POC1B: variants seen among roughly 807,000 people sequenced by gnomAD.
POC1B encodes the protein POC1 centriolar protein homolog B.
A neutral mutation model predicts 60.6 loss-of-function variants in POC1B; 44 were observed. The observed-to-expected ratio is 0.73, with a 90% CI of 0.57 to 0.93. The LOEUF (loss-of-function observed/expected upper bound fraction) is 0.93, where lower values mean the gene tolerates loss of function less well. Among genes scored for constraint, POC1B ranks in the 40% least tolerant of loss-of-function variants. The probability of loss-of-function intolerance (pLI) is 0.00; values close to 1 mark genes in which losing one functional copy is unlikely to be tolerated. For missense variants in POC1B, 555 were observed against 572.3 expected, an observed-to-expected ratio of 0.97 and a Z score of 0.31; for synonymous variants, 180 against 198.9, an observed-to-expected ratio of 0.90 and a Z score of 0.80.
chr12:89,520,791 C>A (rs564214448), intron 2 of POC1B: 1 of 152,084 alleles, frequency 6.6e-6, no homozygotes, highest in African/African-American at 2.4e-5. Context: ...GGACTCTTTA[C>A]GAGGCATGCA....
chr12:89,509,908 C>T (rs1044001699), intron 2 of POC1B, among the ~76,000 whole-genome samples: 9 of 152,236 alleles, frequency 5.9e-5, no homozygotes, highest in East Asian at 3.9e-4. Flanking sequence ...TGCCGTGGGG[C>T]GATTTTGGCT....
At chr12:89,502,780 G>C (rs1869640569) in intron 2 of POC1B, 1 of 1,311,600 alleles carries the variant, frequency 7.6e-7, no homozygotes, top group East Asian at 2.4e-5. Context: ...AGGATATATT[G>C]TTTTTTTATG....
intron 2 of POC1B, chr12:89,523,364 T>G: frequency 6.2e-7 from 1 of 1,614,070 alleles, no homozygotes; most frequent in Middle Eastern, 1.6e-4. Flanking sequence ...GGGTTTCTAT[T>G]GTAGAAGTGC....
chr12:89,462,327 T>C (rs1882512091), intron 9 of POC1B, among the ~76,000 whole-genome samples: 1 of 152,208 alleles, frequency 6.6e-6, no homozygotes, highest in Non-Finnish European at 1.5e-5. Flanking sequence ...TAATTAGAGC[T>C]GCCTTGAAAT....
In POC1B at chr12:89,451,303, G is replaced by A. The variant is rs145393300; in HGVS notation, c.1113+8335C>T. ...AAATTCTGTAGTGATTTGGAAAGTA[G>A]GTTAAAAAGTACATATGATATAAAA... On this transcript the variant is annotated intron_variant, in intron 10 of 11. Coordinates refer to ENST00000313546, the MANE Select transcript of POC1B (RefSeq NM_172240.3). Among the ~76,000 whole-genome samples, 6 of 152,220 alleles carry A rather than the reference G, an allele frequency of 3.9e-5. No individual in the cohort carries two copies. In the East Asian group the frequency reaches 1.2e-3, roughly 29 times the overall value.
chr12:89,474,423 T>C (rs183121394), intron 4 of POC1B, among the ~76,000 whole-genome samples: 5 of 152,278 alleles, frequency 3.3e-5, no homozygotes, highest in African/African-American at 1.2e-4. Flanking sequence ...TAGAAGTACT[T>C]ACCCTATGAC....
At chr12:89,521,756 T>A (rs1465747098) in intron 2 of POC1B, 1 of 355,360 alleles carries the variant, frequency 2.8e-6, no homozygotes, top group East Asian at 4.1e-5. Context: ...GGCTCGGTGC[T>A]AGGAGATTGA....
chr12:89,433,736 A>G (rs1442132757), intron 10 of POC1B, among the ~76,000 whole-genome samples: 1 of 152,216 alleles, frequency 6.6e-6, no homozygotes, highest in East Asian at 1.9e-4. Context: ...CATCAGCACA[A>G]AGGACTCGGA....
At chr12:89,456,010 TTG>T (rs1565732856) in intron 10 of POC1B, among the ~76,000 whole-genome samples, 19 of 144,838 alleles carry the variant, frequency 1.3e-4, no homozygotes, top group African/African-American at 4.9e-4. Flanking sequence ...CTCTTTTTTG[TTG>T]TTGTTGTTGT....
chr12:89,407,859 A>G, the POC1B span, among the ~76,000 whole-genome samples: 1,170 of 152,312 alleles, frequency 7.7e-3, 14 homozygotes, highest in African/African-American at 0.026. Context: ...CAGAACGTGC[A>G]GGTTTGTCAC....
intron 9 of POC1B, among the ~76,000 whole-genome samples, chr12:89,465,034 G>A (rs991936020): frequency 2.6e-5 from 4 of 152,110 alleles, no homozygotes; most frequent in East Asian, 1.9e-4. Context: ...TCAGCATTTT[G>A]TAGAGTGCAA....
At chr12:89,431,488 G>A (rs574580279) in intron 10 of POC1B, among the ~76,000 whole-genome samples, 6 of 151,780 alleles carry the variant, frequency 4.0e-5, no homozygotes, top group South Asian at 4.2e-4. Flanking sequence ...TGTATAAAAC[G>A]TCTGCCTGAA....
chr12:89,488,918 A>G (rs1285621358), intron 4 of POC1B, among the ~76,000 whole-genome samples: 1 of 152,142 alleles, frequency 6.6e-6, no homozygotes, highest in African/African-American at 2.4e-5. Context: ...CCATACCCAG[A>G]GCTGGCTCAC....
chr12:89,510,763 C>CTTTTTTTT (rs56654469), intron 2 of POC1B, among the ~76,000 whole-genome samples: 9,870 of 138,840 alleles, frequency 0.071, 532 homozygotes, highest in Non-Finnish European at 0.092. Flanking sequence ...TGTTTTTATT[C>CTTTTTTTT]TTTTTTTTTT....
intron 10 of POC1B, among the ~76,000 whole-genome samples, chr12:89,445,490 A>C (rs1435504504): frequency 6.6e-6 from 1 of 152,190 alleles, no homozygotes; most frequent in Non-Finnish European, 1.5e-5. Context: ...AAACCTGACA[A>C]AAACAAGAAA....
rs148043872 is a variant in POC1B, at chr12:89,424,049, C to A, written c.1332+1112G>T. Among the ~76,000 whole-genome samples, 713 of 152,246 alleles carry A rather than the reference C, an allele frequency of 4.7e-3. 7 individuals are homozygous for A. The highest frequency in any genetic ancestry group is 0.016 in the African/African-American group (675 of 41,528). ...AATATAGAGAAAGTCACGTCTAGTACAACATTACAAAATGAAAGTGAGTGA... is the reference window on the plus strand; with the variant it reads ...AATATAGAGAAAGTCACGTCTAGTAAAACATTACAAAATGAAAGTGAGTGA... On this transcript the variant is annotated intron_variant, in intron 11 of 11. Coordinates refer to ENST00000313546, the MANE Select transcript of POC1B (RefSeq NM_172240.3).
At chr12:89,512,399 C>T (rs1010905939) in intron 2 of POC1B, among the ~76,000 whole-genome samples, 1 of 152,162 alleles carries the variant, frequency 6.6e-6, no homozygotes, top group Non-Finnish European at 1.5e-5. Flanking sequence ...TCTTTGAGGA[C>T]TGGCAATAAC....
Position 89,423,694 on chromosome 12 carries a change from C to T in POC1B, c.1332+1467G>A, listed in dbSNP as rs73432809. 5.4e-3 allele frequency among the ~76,000 whole-genome samples: 817 copies of T among 152,318 alleles called. 14 individuals carry two copies. The highest frequency in any genetic ancestry group is 0.019 in the African/African-American group (772 of 41,564). ...GCTTGCCCACAGATTCACTGCTCCC[C>T]TTTTGCAAGTGTGTTGTGCCTGCTT... is the stretch of plus-strand genomic sequence containing the variant. On this transcript the variant is annotated intron_variant, in intron 11 of 11. Transcript: ENST00000313546.
the POC1B span, among the ~76,000 whole-genome samples, chr12:89,409,563 C>A: frequency 6.6e-6 from 1 of 151,688 alleles, no homozygotes; most frequent in Admixed American, 6.6e-5. Context: ...GCTAGCCAGA[C>A]TAATAAAGAA....
Sources: gnomAD v4.1 joint callset for allele counts (sites outside exome capture counted in the v4.1 genomes callset) on GRCh38, gnomAD v4.1.1 for gene constraint, MANE v1.5 for transcripts, NCBI Gene and HGNC (gene_info 2026-07-23, HGNC 2026-07-21) for gene names.